LINGO2: variants seen among roughly 807,000 people sequenced by gnomAD.
LINGO2 encodes the protein leucine rich repeat and Ig domain containing 2.
LINGO2 carries 14 observed loss-of-function variants against 30.6 expected under a neutral mutation model. The observed-to-expected ratio is 0.46, with a 90% CI of 0.30 to 0.72. The LOEUF is 0.72. LINGO2 is among the 30% of genes least tolerant of loss of function. The pLI is 0.07. For synonymous variants in LINGO2, 317 were observed against 288.5 expected (o/e 1.10, Z -1.00); for missense variants, 729 against 751.7 (o/e 0.97, Z 0.35).
At chr9:28,163,247 G>A (rs1448492348) in intron 4 of LINGO2, among the ~76,000 whole-genome samples, 2 of 152,200 alleles carry the variant, frequency 1.3e-5, no homozygotes, top group South Asian at 4.1e-4. Context: ...AGGAGGCATT[G>A]AAAGAAGGTA....
At chr9:28,137,227 A>AC (rs1827544740) in intron 4 of LINGO2, among the ~76,000 whole-genome samples, 1 of 151,090 alleles carries the variant, frequency 6.6e-6, no homozygotes, top group Admixed American at 6.6e-5. Context: ...ACACACACAC[A>AC]AATTGGTTTT....
intron 4 of LINGO2, among the ~76,000 whole-genome samples, chr9:28,217,141 A>G (rs916777231): frequency 1.3e-5 from 2 of 150,276 alleles, no homozygotes; most frequent in African/African-American, 4.9e-5. Flanking sequence ...AATATAAATA[A>G]TACTACATAT....
intron 4 of LINGO2, among the ~76,000 whole-genome samples, chr9:28,104,868 G>A (rs1423173119): frequency 2.6e-5 from 4 of 151,860 alleles, no homozygotes; most frequent in African/African-American, 9.7e-5. Flanking sequence ...AATACAGTAT[G>A]GGAAAAATAT....
At chr9:28,710,202 T>C in the LINGO2 span, among the ~76,000 whole-genome samples, 2 of 151,380 alleles carry the variant, frequency 1.3e-5, no homozygotes, top group South Asian at 2.1e-4. Flanking sequence ...CCCCAAAGAG[T>C]TGCCTTGAAC....
chr9:29,100,848 A>G, the LINGO2 span, among the ~76,000 whole-genome samples: 1 of 152,154 alleles, frequency 6.6e-6, no homozygotes, highest in African/African-American at 2.4e-5. Context: ...CTAACTATCT[A>G]TCTAGGTAGC....
chr9:28,709,036 A>G, the LINGO2 span, among the ~76,000 whole-genome samples: 1 of 152,094 alleles, frequency 6.6e-6, no homozygotes, highest in Non-Finnish European at 1.5e-5. Flanking sequence ...ATGTCTTTTA[A>G]TCTTATGTCC....
intron 4 of LINGO2, among the ~76,000 whole-genome samples, chr9:28,032,102 A>G (rs1228340936): frequency 1.3e-5 from 2 of 152,006 alleles, no homozygotes; most frequent in Non-Finnish European, 2.9e-5. Flanking sequence ...CTGGGGGGAA[A>G]ATAAAAACAG....
At chr9:28,628,251 TC>T (rs34729858) in intron 1 of LINGO2, among the ~76,000 whole-genome samples, 14,148 of 152,044 alleles carry the variant, frequency 0.093, 848 homozygotes, top group East Asian at 0.19. Flanking sequence ...GTAATACATT[TC>T]CTTCCTTTTG....
intron 4 of LINGO2, among the ~76,000 whole-genome samples, chr9:28,065,160 G>T (rs1304612996): frequency 6.6e-6 from 1 of 150,664 alleles, no homozygotes; most frequent in Non-Finnish European, 1.5e-5. Flanking sequence ...GATTGGGAGA[G>T]ATCAAACTGT....
At position 28,147,389 on chromosome 9, in the gene LINGO2, C is replaced by A. The variant is rs977134149; in HGVS notation, c.-86-134984G>T. Among the ~76,000 whole-genome samples, 2 of 152,194 alleles carry A rather than the reference C, an allele frequency of 1.3e-5. No homozygotes were observed. The highest frequency in any genetic ancestry group is 4.8e-5 in the African/African-American group (2 of 41,462). ...TGCCAGGGAGGCATGTGGTAAGAGG[C>A]GCATCCAGTCAGGTCAGGGCACCGC... On this transcript the variant is annotated intron_variant, in intron 4 of 5. Coordinates refer to ENST00000379992, the Ensembl canonical transcript of LINGO2. The surrounding 1 kb of genome is among the most constrained non-coding windows in gnomAD (Gnocchi z 4.7).
chr9:27,958,512 A>C (rs1819685718), intron 5 of LINGO2, among the ~76,000 whole-genome samples: 2 of 152,096 alleles, frequency 1.3e-5, no homozygotes, highest in East Asian at 3.8e-4. Context: ...CTGTGGTCCA[A>C]AATCAGGTGA....
chr9:28,400,199 A>G (rs185292004), intron 2 of LINGO2, among the ~76,000 whole-genome samples: 1 of 152,208 alleles, frequency 6.6e-6, no homozygotes, highest in East Asian at 1.9e-4. Context: ...CTATTTTGTG[A>G]AGAGAATTAA....
At chr9:28,686,992 T>C in the LINGO2 span, among the ~76,000 whole-genome samples, 2 of 152,088 alleles carry the variant, frequency 1.3e-5, no homozygotes, top group East Asian at 1.9e-4. Context: ...TGAGTGGTTA[T>C]ACTACTTTTA....
chr9:28,793,561 C>CAA, the LINGO2 span, among the ~76,000 whole-genome samples: 1 of 152,116 alleles, frequency 6.6e-6, no homozygotes, highest in African/African-American at 2.4e-5. Context: ...AATGGTAGAG[C>CAA]CTTATGGTTT....
At chr9:28,005,879 C>T (rs1822241770) in intron 5 of LINGO2, among the ~76,000 whole-genome samples, 1 of 151,936 alleles carries the variant, frequency 6.6e-6, no homozygotes, top group African/African-American at 2.4e-5. Context: ...AGATAGTCAA[C>T]CTGGCCCAGT....
intron 4 of LINGO2, among the ~76,000 whole-genome samples, chr9:28,060,666 A>G (rs2133120897): frequency 6.6e-6 from 1 of 152,254 alleles, no homozygotes; most frequent in South Asian, 2.1e-4. Flanking sequence ...ATATGTAGAG[A>G]TGGTAAACTT....
intron 4 of LINGO2, among the ~76,000 whole-genome samples, chr9:28,235,395 A>T (rs1391234523): frequency 6.6e-6 from 1 of 152,316 alleles, no homozygotes; most frequent in East Asian, 1.9e-4. Flanking sequence ...CAGACTATAA[A>T]GACTATAGTA....
At chr9:28,071,388 T>C (rs1825471696) in intron 4 of LINGO2, among the ~76,000 whole-genome samples, 1 of 152,054 alleles carries the variant, frequency 6.6e-6, no homozygotes, top group Admixed American at 6.6e-5. Context: ...AACAACACAA[T>C]CTTTATAGTT....
intron 4 of LINGO2, among the ~76,000 whole-genome samples, chr9:28,239,639 T>A (rs777243320): frequency 6.6e-6 from 1 of 152,170 alleles, no homozygotes; most frequent in Non-Finnish European, 1.5e-5. Flanking sequence ...TACCTCAACA[T>A]AATAAAATCT....
Sources: allele counts gnomAD v4.1 joint callset (sites outside exome capture counted in the v4.1 genomes callset), GRCh38; gene constraint gnomAD v4.1.1; non-coding constraint Gnocchi (gnomAD v3.1); transcripts MANE v1.5; gene names NCBI Gene and HGNC (gene_info 2026-07-23, HGNC 2026-07-21).